Variants in GPRIN3 observed in about 807,000 individuals in gnomAD.
GPRIN3 encodes GPRIN family member 3, also known as G protein-regulated inducer of neurite outgrowth 3.
Under a neutral mutation model 13.7 loss-of-function variants are expected in GPRIN3, and 12 were observed. That is an observed-to-expected ratio of 0.87 (90% CI 0.56 to 1.42). The LOEUF (loss-of-function observed/expected upper bound fraction) is 1.42. Ranked by LOEUF, GPRIN3 falls within the 40% of genes most tolerant of loss-of-function variation. The pLI, the probability that GPRIN3 is intolerant of heterozygous loss-of-function variation, is 0.00. For missense variants in GPRIN3, 1,009 were observed against 958.7 expected, an observed-to-expected ratio of 1.05 and a Z score of -0.69; for synonymous variants, 377 against 372.7, an observed-to-expected ratio of 1.01 and a Z score of -0.13.
chr4:89,294,202 A>T (rs1724669407), intron 1 of GPRIN3, among the ~76,000 whole-genome samples: 1 of 152,226 alleles, frequency 6.6e-6, no homozygotes, highest in African/African-American at 2.4e-5. Context: ...AATTTGTTTT[A>T]ATGTGACACT....
intron 1 of GPRIN3, among the ~76,000 whole-genome samples, chr4:89,286,728 C>T (rs574587740): frequency 6.6e-6 from 1 of 152,236 alleles, no homozygotes; most frequent in African/African-American, 2.4e-5. Context: ...ACATTGAAGA[C>T]ACCAAGACAC....
chr4:89,300,090 T>C (rs912947816), intron 1 of GPRIN3, among the ~76,000 whole-genome samples: 17 of 152,308 alleles, frequency 1.1e-4, no homozygotes, highest in Middle Eastern at 6.8e-3. Context: ...TCACAGACTC[T>C]ACAAATTTTG....
intron 1 of GPRIN3, among the ~76,000 whole-genome samples, chr4:89,277,800 T>A (rs1483283855): frequency 6.6e-6 from 1 of 152,212 alleles, no homozygotes; most frequent in Admixed American, 6.5e-5. Context: ...CTCATCTTAG[T>A]TGACCTCTTA....
At position 89,240,648 on chromosome 4, in the gene GPRIN3, T is replaced by C. The variant is rs1259937423; in HGVS notation, c.*7132A>G. 4 of 152,232 alleles carry C rather than the reference T, an allele frequency of 2.6e-5. No individual in the cohort carries two copies. Among genetic ancestry groups the C allele is most frequent in the Non-Finnish European group, 4.4e-5 (3 of 68,040 alleles). The allele number at this position is 152,232 out of a possible 1,614,324, so 9.4% of individuals were successfully genotyped here. On this transcript the variant is annotated 3_prime_UTR_variant, in exon 2 of 2. Transcript: ENST00000609438. The stretch of plus-strand genomic sequence containing the variant: ...TTCCCTGTAGCTACTCAGTTACCAG[T>C]CTGTGCTTCAGTTGCTGGAGTTTTC...
At chr4:89,251,247 A>G (rs1723317007) in intron 1 of GPRIN3, 1 of 152,220 alleles carries the variant, frequency 6.6e-6, no homozygotes, top group Non-Finnish European at 1.5e-5. Flanking sequence ...TAATGCAAAT[A>G]AAGTAACAAT....
intron 1 of GPRIN3, among the ~76,000 whole-genome samples, chr4:89,283,524 C>T (rs190038618): frequency 2.0e-5 from 3 of 152,104 alleles, no homozygotes; most frequent in Admixed American, 2.0e-4. Context: ...ATCTGCCAGT[C>T]CTCACCTTCA....
chr4:89,254,665 G>A (rs989413798), intron 1 of GPRIN3, among the ~76,000 whole-genome samples: 8 of 152,034 alleles, frequency 5.3e-5, no homozygotes, highest in Admixed American at 6.5e-5. Context: ...CTTTGCTATC[G>A]TGAATAGTGC....
intron 1 of GPRIN3, among the ~76,000 whole-genome samples, chr4:89,278,820 T>G (rs374229419): frequency 1.6e-4 from 25 of 151,900 alleles, no homozygotes; most frequent in East Asian, 1.6e-3. Context: ...AGCTCCAGAG[T>G]CTTAGGCACT....
rs753813831 is a variant in GPRIN3, at chr4:89,244,594, A to G, written c.*3186T>C. Reference sequence around the variant, plus strand: ...AGTTGGTCTGTGGCATTCAAAGTCAATAATCCAGAAATACATAATTAGAAA... The same window carrying G: ...AGTTGGTCTGTGGCATTCAAAGTCAGTAATCCAGAAATACATAATTAGAAA... On this transcript the variant is annotated 3_prime_UTR_variant, in exon 2 of 2. Transcript: ENST00000609438. 2 of 152,206 alleles carry G rather than the reference A, an allele frequency of 1.3e-5. No individual in the cohort carries two copies. The highest frequency in any genetic ancestry group is 6.5e-5 in the Admixed American group (1 of 15,288). The allele number at this position is 152,206 out of a possible 1,614,324, so 9.4% of individuals were successfully genotyped here.
chr4:89,246,659 G>C lies in GPRIN3; in HGVS notation c.*1121C>G, dbSNP rs929965297. 1 of 152,164 alleles carries C rather than the reference G, an allele frequency of 6.6e-6. No individual in the cohort carries two copies. The highest frequency in any genetic ancestry group is 1.5e-5 in the Non-Finnish European group (1 of 68,032). The allele number at this position is 152,164 out of a possible 1,614,324, so 9.4% of individuals were successfully genotyped here. On this transcript the variant is annotated 3_prime_UTR_variant, in exon 2 of 2. Coordinates refer to ENST00000609438, the MANE Select transcript of GPRIN3 (RefSeq NM_198281.3). The stretch of plus-strand genomic sequence containing the variant: ...ATATTTAAGCAATTAGATGATAGTA[G>C]TCTATGTACAAAAATTGTAAGGAAG...
In GPRIN3 at chr4:89,238,821, G is replaced by A. The variant is rs563877873; in HGVS notation, c.*8959C>T. 27 of 151,942 alleles carry A rather than the reference G, an allele frequency of 1.8e-4. No homozygotes were observed. In the South Asian group the frequency reaches 5.6e-3, roughly 32 times the overall value. The allele number at this position is 151,942 out of a possible 1,614,324, so 9.4% of individuals were successfully genotyped here. A position where few individuals can be genotyped will look rare whatever the true frequency, so the allele number is the denominator to read the frequency against. Reference sequence around the variant, plus strand: ...TTAAAAGAACGATTTCAATAGCAGTGGAAACAATAATAACATCAACAAAAA... The same window carrying A: ...TTAAAAGAACGATTTCAATAGCAGTAGAAACAATAATAACATCAACAAAAA... On this transcript the variant is annotated 3_prime_UTR_variant, in exon 2 of 2. Transcript: ENST00000609438.
rs141175652 is a variant in GPRIN3, at chr4:89,248,202, G to T, written c.1909C>A (p.Arg637Ser). 6.2e-7 allele frequency: 1 copy of T among 1,614,180 alleles called. No individual in the cohort carries two copies. The highest frequency in any genetic ancestry group is 2.2e-5 in the East Asian group (1 of 44,880). Reference sequence around the variant, plus strand: ...TGCTCCTTGAGGAACTCGCTGACGCGGCTGGGCCTGCGTGGGCTGGCTTTG... The same window carrying T: ...TGCTCCTTGAGGAACTCGCTGACGCTGCTGGGCCTGCGTGGGCTGGCTTTG... ...SVKASPRRPS[R>S]VSEFLKEQKL... Residue 637 changes from arginine (R) to serine (S), a missense_variant, in exon 2 of 2, where the codon CGC becomes AGC. Coordinates refer to ENST00000609438, the MANE Select transcript of GPRIN3 (RefSeq NM_198281.3).
intron 1 of GPRIN3, among the ~76,000 whole-genome samples, chr4:89,285,847 G>A (rs1441892492): frequency 6.6e-6 from 1 of 152,114 alleles, no homozygotes; most frequent in Non-Finnish European, 1.5e-5. Flanking sequence ...TTGTTAGAAT[G>A]CTCATTCTTT....
At chr4:89,292,141 T>C (rs1349263484) in intron 1 of GPRIN3, among the ~76,000 whole-genome samples, 2 of 152,178 alleles carry the variant, frequency 1.3e-5, no homozygotes, top group Admixed American at 1.3e-4. Flanking sequence ...GATTATTAGA[T>C]TAACACATAC....
intron 1 of GPRIN3, among the ~76,000 whole-genome samples, chr4:89,281,063 G>C (rs917714598): frequency 1.3e-5 from 2 of 151,950 alleles, no homozygotes; most frequent in African/African-American, 2.4e-5. Context: ...GTGAAGGGGG[G>C]GGATAAGCAC....
intron 1 of GPRIN3, among the ~76,000 whole-genome samples, chr4:89,260,739 A>C (rs1275997051): frequency 2.0e-5 from 3 of 152,220 alleles, no homozygotes; most frequent in African/African-American, 7.2e-5. Flanking sequence ...CTATGTAAGT[A>C]AGTCTAAAGA....
At position 89,249,868 on chromosome 4, in the gene GPRIN3, A is replaced by C. The variant is rs1723271459; in HGVS notation, c.243T>G (p.Pro81=). ...CTTTCTGCACTTCATTGAACACACC[A>C]GGAGAAGACATATCTGGTTGGGTGG... ...HETTQPDMSS[P]GVFNEVQKAP... is the part of the protein sequence containing the mutation. Residue 81 remains proline, a synonymous_variant, in exon 2 of 2, where the codon CCT becomes CCG. Coordinates refer to ENST00000609438, the MANE Select transcript of GPRIN3 (RefSeq NM_198281.3). 6.2e-7 allele frequency: 1 copy of C among 1,614,220 alleles called. No individual in the cohort carries two copies. The highest frequency in any genetic ancestry group is 8.5e-7 in the Non-Finnish European group (1 of 1,180,022).
rs1002097378 is a variant in GPRIN3 at position 89,247,834 on chromosome 4, G to T, written c.2277C>A (p.Asn759Lys). 1.9e-6 allele frequency: 3 copies of T among 1,614,102 alleles called. No individual in the cohort carries two copies. Among genetic ancestry groups the T allele is most frequent in the Admixed American group, 1.7e-5 (1 of 60,034 alleles). ...GGACGCAGCAGTTGGGGCGTCGGAA[G>T]TTCTGCAGCATGGACTGGAAAACAC... ...QHSVFQSMLQ[N>K]FRRPNCCVRP... The change falls in exon 2 of 2, where the codon AAC becomes AAA. Residue 759 changes from asparagine (N) to lysine (K), a missense_variant. Asn to Lys is a moderately conservative substitution (Grantham distance 94, BLOSUM62 0). Transcript: ENST00000609438.
At chr4:89,306,765 T>C (rs532251575) in intron 1 of GPRIN3, among the ~76,000 whole-genome samples, 4 of 152,250 alleles carry the variant, frequency 2.6e-5, no homozygotes, top group South Asian at 2.1e-4. Context: ...CAAGCGGTGA[T>C]TTCTCCCAAT....
Sources: allele counts gnomAD v4.1 joint callset (sites outside exome capture counted in the v4.1 genomes callset), GRCh38; gene constraint gnomAD v4.1.1; transcripts MANE v1.5; gene names NCBI Gene and HGNC (gene_info 2026-07-23, HGNC 2026-07-21).